The following MYO5A variants were observed in gnomAD, a reference collection of about 807,000 sequenced individuals.
The protein encoded by MYO5A is myosin VA.
In MYO5A, 98 loss-of-function variants were observed where a neutral mutation model predicts 249.7. The ratio of observed to expected loss-of-function variants is 0.39; its 90% confidence interval spans 0.33 to 0.46. The LOEUF is 0.46. Ranked by LOEUF, MYO5A falls within the 20% of genes least tolerant of loss-of-function variation. MYO5A has a pLI of 0.98. For synonymous variants in MYO5A, 778 were observed against 810.6 expected (o/e 0.96, Z 0.68); for missense variants, 1,696 against 2,308.8 (o/e 0.73, Z 5.44).
chr15:52,334,905 G>T (rs916639236), intron 34 of MYO5A, among the ~76,000 whole-genome samples: 1 of 152,188 alleles, frequency 6.6e-6, no homozygotes, highest in African/African-American at 2.4e-5. Context: ...ATCAGGAAAG[G>T]CTACTCTTGA....
chr15:52,473,222 C>G (rs2076514695), intron 1 of MYO5A, among the ~76,000 whole-genome samples: 1 of 152,174 alleles, frequency 6.6e-6, no homozygotes, highest in Non-Finnish European at 1.5e-5. Flanking sequence ...ATATCCTTCG[C>G]CCAGTTTTTG....
chr15:52,501,817 T>C (rs1442310277), intron 1 of MYO5A, among the ~76,000 whole-genome samples: 2 of 151,120 alleles, frequency 1.3e-5, no homozygotes, highest in African/African-American at 2.4e-5. Context: ...GTCTAAACAG[T>C]CTAGTATAAA....
At chr15:52,349,612 C>A (rs145275728) in intron 28 of MYO5A, among the ~76,000 whole-genome samples, 170 of 152,302 alleles carry the variant, frequency 1.1e-3, no homozygotes, top group African/African-American at 4.0e-3. Context: ...CTTCATTTTT[C>A]TTTTCCTTTC....
intron 1 of MYO5A, among the ~76,000 whole-genome samples, chr15:52,523,750 G>A (rs1277286004): frequency 3.3e-5 from 5 of 152,106 alleles, no homozygotes; most frequent in Admixed American, 6.5e-5. Context: ...TAGGAGAACA[G>A]CAAGTCGTTA....
Position 52,313,115 on chromosome 15 carries a change from G to C in MYO5A, c.*581C>G, listed in dbSNP as rs560060564. 2 of 156,586 alleles carry C rather than the reference G, an allele frequency of 1.3e-5. No homozygotes were observed. The highest frequency in any genetic ancestry group is 2.8e-5 in the Non-Finnish European group (2 of 70,342). The allele number at this position is 156,586 out of a possible 1,614,324, so 9.7% of individuals were successfully genotyped here. A position where few individuals can be genotyped will look rare whatever the true frequency, so the allele number is the denominator to read the frequency against. On this transcript the variant is annotated 3_prime_UTR_variant, in exon 42 of 42. Coordinates refer to ENST00000399233, the MANE Select transcript of MYO5A (RefSeq NM_001382347.1). ...TACAAATGGACATCTATACTATTTAGCAAACCAACATTCCTTTAATATCTC... is the reference window on the plus strand; with the variant it reads ...TACAAATGGACATCTATACTATTTACCAAACCAACATTCCTTTAATATCTC...
At chr15:52,328,725 C>T (rs772601624) in intron 35 of MYO5A, among the ~76,000 whole-genome samples, 1 of 152,214 alleles carries the variant, frequency 6.6e-6, no homozygotes, top group South Asian at 2.1e-4. Context: ...TCATGTCAAG[C>T]ATTTATAAAA....
At chr15:52,370,530 T>G in intron 21 of MYO5A, 113 bp from the exon 22 acceptor site, 4 of 1,188,802 alleles carry the variant, frequency 3.4e-6, no homozygotes, top group Non-Finnish European at 4.9e-6. Flanking sequence ...AACATTGATA[T>G]AGTATCCAAC....
At chr15:52,421,938 T>C (rs895887900) in intron 4 of MYO5A, among the ~76,000 whole-genome samples, 2 of 152,244 alleles carry the variant, frequency 1.3e-5, no homozygotes, top group East Asian at 3.9e-4. Flanking sequence ...TTTAAATAAA[T>C]GAAACTTAGT....
At chr15:52,329,369 G>A (rs982938301) in intron 35 of MYO5A, among the ~76,000 whole-genome samples, 1 of 152,212 alleles carries the variant, frequency 6.6e-6, no homozygotes, top group Non-Finnish European at 1.5e-5. Context: ...CCTGGCGGGA[G>A]GAATGCTGTG....
chr15:52,341,765 C>T (rs2039394860), intron 31 of MYO5A, among the ~76,000 whole-genome samples: 1 of 151,812 alleles, frequency 6.6e-6, no homozygotes, highest in Admixed American at 6.6e-5. Flanking sequence ...AAGCAGAAGC[C>T]CCTTGAACAA....
At chr15:52,362,224 G>A (rs1034968949) in intron 24 of MYO5A, among the ~76,000 whole-genome samples, 3 of 152,192 alleles carry the variant, frequency 2.0e-5, no homozygotes, top group Non-Finnish European at 4.4e-5. Context: ...GGGAAGCGCT[G>A]GAGGCAGTGT....
In MYO5A at chr15:52,329,568, CCTTT is replaced by C. The variant is rs545914284; in HGVS notation, c.4555+781_4555+784del. On this transcript the variant is annotated intron_variant, in intron 35 of 41. Coordinates refer to ENST00000399233, the MANE Select transcript of MYO5A (RefSeq NM_001382347.1). ...ATCTCATTTATTCTGTCCATTCCTT[CCTTT>C]GTTAGAATCTTTTCCTTTTTTTGTT... Among the ~76,000 whole-genome samples, 508 of 152,310 alleles carry C rather than the reference CCTTT, an allele frequency of 3.3e-3. 1 individual carries two copies. Among genetic ancestry groups the C allele is most frequent in the Non-Finnish European group, 5.7e-3 (385 of 68,026 alleles).
At chr15:52,459,902 C>T (rs185511113) in intron 1 of MYO5A, among the ~76,000 whole-genome samples, 5,988 of 150,876 alleles carry the variant, frequency 0.04, 316 homozygotes, top group African/African-American at 0.13. Context: ...GGGCGGTTGC[C>T]GGGCGGAGGG....
chr15:52,379,836 G>C lies in MYO5A; in HGVS notation c.2085C>G (p.Ala695=). 1.2e-6 allele frequency: 2 copies of C among 1,614,074 alleles called. No homozygotes were observed. Among genetic ancestry groups the C allele is most frequent in the Non-Finnish European group, 1.7e-6 (2 of 1,179,994 alleles). ...GVLETIRISA[A]GFPSRWTYQE... ...GCCAGGCTCACCGTGAGGGGAAACCGGCCGCACTGATTCGGATGGTTTCCA... is the reference window on the plus strand; with the variant it reads ...GCCAGGCTCACCGTGAGGGGAAACCCGCCGCACTGATTCGGATGGTTTCCA... Residue 695 remains alanine, a synonymous_variant, in exon 17 of 42, where the codon GCC becomes GCG. Coordinates refer to ENST00000399233, the MANE Select transcript of MYO5A (RefSeq NM_001382347.1).
rs138054682 is a variant in MYO5A, at chr15:52,311,010, C to T, written c.*2686G>A. 6.6e-6 allele frequency: 1 copy of T among 152,350 alleles called. No homozygotes were observed. The highest frequency in any genetic ancestry group is 2.4e-5 in the African/African-American group (1 of 41,424). The allele number at this position is 152,350 out of a possible 1,614,324, so 9.4% of individuals were successfully genotyped here. On this transcript the variant is annotated 3_prime_UTR_variant, in exon 42 of 42. Transcript: ENST00000399233. ...GGAGGAAGCTGGAGCCCTGGAATAG[C>T]AGAACCTTTGTGCCACCATCGCTGA...
chr15:52,371,878 G>GTAATAATAATAA (rs36207943), intron 21 of MYO5A, among the ~76,000 whole-genome samples: 3 of 143,112 alleles, frequency 2.1e-5, no homozygotes, highest in East Asian at 2.0e-4. Context: ...TCAAATAATA[G>GTAATAATAATAA]TAATAATAAT....
upstream of MYO5A, chr15:52,528,911 AGGGCAGGGCAGGGCC>A: frequency 3.0e-6 from 3 of 1,012,044 alleles, no homozygotes; most frequent in Non-Finnish European, 3.7e-6. Flanking sequence ...GGCAGGGAGC[AGGGCAGGGCAGGGCC>A]GGGCGGGGAG....
Position 52,313,275 on chromosome 15 carries a change from C to T in MYO5A, c.*421G>A. On this transcript the variant is annotated 3_prime_UTR_variant, in exon 42 of 42. Coordinates refer to ENST00000399233, the MANE Select transcript of MYO5A (RefSeq NM_001382347.1). ...CTCAATGGAGACTTTTCTTTCCATT[C>T]TCCTGTTTAGTGCAGAGGAGGTTCT... 4.7e-6 allele frequency: 1 copy of T among 211,736 alleles called. No individual in the cohort carries two copies. Among genetic ancestry groups the T allele is most frequent in the Non-Finnish European group, 9.6e-6 (1 of 103,934 alleles). 13.1% of individuals were successfully genotyped at this position (211,736 alleles called of 1,614,324 possible). A position where few individuals can be genotyped will look rare whatever the true frequency, so the allele number is the denominator to read the frequency against.
At chr15:52,423,626 T>C (rs1426427898) in intron 4 of MYO5A, among the ~76,000 whole-genome samples, 1 of 151,978 alleles carries the variant, frequency 6.6e-6, no homozygotes, top group Non-Finnish European at 1.5e-5. Flanking sequence ...CCTGAATAGA[T>C]ACACTCTATT....
Sources: gnomAD v4.1 joint callset for allele counts (sites outside exome capture counted in the v4.1 genomes callset) on GRCh38, gnomAD v4.1.1 for gene constraint, MANE v1.5 for transcripts, NCBI Gene and HGNC (gene_info 2026-07-23, HGNC 2026-07-21) for gene names.